The following TSPAN5 variants were observed in gnomAD, a reference collection of about 807,000 sequenced individuals.
TSPAN5 encodes the protein tetraspanin 5.
Under a neutral mutation model 37.1 loss-of-function variants are expected in TSPAN5, and 10 were observed. The observed-to-expected ratio is 0.27, with a 90% CI of 0.17 to 0.46. The LOEUF (loss-of-function observed/expected upper bound fraction) is 0.46. TSPAN5 is among the 20% of genes least tolerant of loss of function. The probability of loss-of-function intolerance (pLI) is 1.00; values close to 1 mark genes in which losing one functional copy is unlikely to be tolerated. For missense variants in TSPAN5, 195 were observed against 326.6 expected (o/e 0.60, Z 3.11); for synonymous variants, 110 against 118.9 (o/e 0.93, Z 0.48).
intron 1 of TSPAN5, among the ~76,000 whole-genome samples, chr4:98,516,815 G>A (rs1429259653): frequency 1.3e-5 from 2 of 152,154 alleles, no homozygotes; most frequent in African/African-American, 4.8e-5. Flanking sequence ...TTTCCCACAA[G>A]AGTTGGTTGG....
rs982508189 is a variant in TSPAN5, at chr4:98,471,424, C to G, written c.*1098G>C. Reference sequence around the variant, plus strand: ...TACAGCTGGTCTCTTCCCAGCCAGACTGGGAGGACATGCCACAACCTCCCA... The same window carrying G: ...TACAGCTGGTCTCTTCCCAGCCAGAGTGGGAGGACATGCCACAACCTCCCA... On this transcript the variant is annotated 3_prime_UTR_variant, in exon 8 of 8. Coordinates refer to ENST00000305798, the MANE Select transcript of TSPAN5 (RefSeq NM_005723.4). 6.6e-6 allele frequency: 1 copy of G among 152,140 alleles called. No homozygotes were observed. Among genetic ancestry groups the G allele is most frequent in the African/African-American group, 2.4e-5 (1 of 41,418 alleles). 9.4% of individuals were successfully genotyped at this position (152,140 alleles called of 1,614,324 possible).
intron 1 of TSPAN5, among the ~76,000 whole-genome samples, chr4:98,616,989 A>T (rs1364002122): frequency 1.8e-4 from 28 of 151,664 alleles, no homozygotes; most frequent in Admixed American, 1.8e-3. Flanking sequence ...ATGCCTGGCT[A>T]ATTCTTTTTA....
chr4:98,490,950 A>T (rs1237734877), intron 2 of TSPAN5, among the ~76,000 whole-genome samples: 1 of 152,006 alleles, frequency 6.6e-6, no homozygotes, highest in Non-Finnish European at 1.5e-5. Flanking sequence ...TAGTTCCAGC[A>T]ACTCGGGAGG....
chr4:98,530,054 T>C (rs1468220093), intron 1 of TSPAN5, among the ~76,000 whole-genome samples: 1 of 152,190 alleles, frequency 6.6e-6, no homozygotes, highest in Non-Finnish European at 1.5e-5. Flanking sequence ...GTGTTGTATC[T>C]TGGACATGGC....
At chr4:98,543,017 T>C (rs1754393920) in intron 1 of TSPAN5, among the ~76,000 whole-genome samples, 1 of 152,122 alleles carries the variant, frequency 6.6e-6, no homozygotes, top group Non-Finnish European at 1.5e-5. Context: ...ACTCAAAATA[T>C]TACAGCAAGT....
At position 98,556,041 on chromosome 4, in the gene TSPAN5, C is replaced by A. The variant is rs924071689; in HGVS notation, c.82-48313G>T. On this transcript the variant is annotated intron_variant, in intron 1 of 7. Coordinates refer to ENST00000305798, the MANE Select transcript of TSPAN5 (RefSeq NM_005723.4). ...ACACACCCCCACACACACAGCACCC[C>A]CACACACACACACACACACACACAG... 1.1e-4 allele frequency among the ~76,000 whole-genome samples: 11 copies of A among 101,658 alleles called. 1 individual carries two copies. The highest frequency in any genetic ancestry group is 7.9e-4 in the Admixed American group (9 of 11,384). 66.7% of individuals were successfully genotyped at this position (101,658 alleles called of 152,430 possible).
intron 2 of TSPAN5, among the ~76,000 whole-genome samples, chr4:98,493,942 C>A (rs192910068): frequency 6.0e-4 from 91 of 152,316 alleles, no homozygotes; most frequent in Admixed American, 2.9e-3. Flanking sequence ...CTAACTCTGG[C>A]ATATCCACTT....
intron 1 of TSPAN5, among the ~76,000 whole-genome samples, chr4:98,570,969 G>A (rs971682943): frequency 2.6e-5 from 4 of 151,030 alleles, no homozygotes; most frequent in Admixed American, 6.6e-5. Flanking sequence ...CCGAGATCGC[G>A]CCACTACGCT....
At chr4:98,528,348 A>C (rs1754008232) in intron 1 of TSPAN5, among the ~76,000 whole-genome samples, 1 of 152,172 alleles carries the variant, frequency 6.6e-6, no homozygotes. Context: ...TTTATATATC[A>C]ACTAAAAAGA....
At chr4:98,590,812 A>C (rs1755614936) in intron 1 of TSPAN5, among the ~76,000 whole-genome samples, 1 of 152,150 alleles carries the variant, frequency 6.6e-6, no homozygotes. Context: ...CTCCAAGACT[A>C]GTCTATTATC....
Position 98,472,133 on chromosome 4 carries a change from C to T in TSPAN5, c.*389G>A, listed in dbSNP as rs145537462. 3.0e-3 allele frequency: 476 copies of T among 160,888 alleles called. 1 individual carries two copies. The highest frequency in any genetic ancestry group is 0.011 in the African/African-American group (454 of 41,816). The allele number at this position is 160,888 out of a possible 1,614,324, so 10.0% of individuals were successfully genotyped here. ...GCCATGGAACAGAAAGAAGGTGGTC[C>T]GTCCAAGGTGTGGTGAAGAGCAAAG... is the stretch of plus-strand genomic sequence containing the variant. On this transcript the variant is annotated 3_prime_UTR_variant, in exon 8 of 8. Transcript: ENST00000305798.
At chr4:98,555,126 T>C (rs1754711842) in intron 1 of TSPAN5, among the ~76,000 whole-genome samples, 1 of 152,154 alleles carries the variant, frequency 6.6e-6, no homozygotes, top group Non-Finnish European at 1.5e-5. Context: ...GTACTGAACA[T>C]GTCCAACTTC....
intron 1 of TSPAN5, among the ~76,000 whole-genome samples, chr4:98,635,022 G>A (rs563950817): frequency 6.6e-6 from 1 of 152,302 alleles, no homozygotes; most frequent in South Asian, 2.1e-4. Flanking sequence ...CAGAAGCACA[G>A]GTAAGGAGGC....
chr4:98,600,159 A>G (rs1206731624), intron 1 of TSPAN5, among the ~76,000 whole-genome samples: 1 of 152,228 alleles, frequency 6.6e-6, no homozygotes, highest in Admixed American at 6.5e-5. Flanking sequence ...AAAATACTTT[A>G]TAGCCAAAAA....
intron 1 of TSPAN5, among the ~76,000 whole-genome samples, chr4:98,598,299 G>A (rs1319028528): frequency 2.1e-5 from 3 of 140,838 alleles, no homozygotes; most frequent in African/African-American, 5.5e-5. Context: ...TTCGGCTCGC[G>A]CACGGTGCGC....
At chr4:98,507,995 A>T (rs1753515699) in intron 1 of TSPAN5, among the ~76,000 whole-genome samples, 1 of 152,240 alleles carries the variant, frequency 6.6e-6, no homozygotes, top group African/African-American at 2.4e-5. Context: ...AGTACACTGA[A>T]ATTATCAATA....
chr4:98,656,733 G>C (rs1022912457), intron 1 of TSPAN5, among the ~76,000 whole-genome samples: 1 of 152,126 alleles, frequency 6.6e-6, no homozygotes, highest in Admixed American at 6.5e-5. Context: ...TGCTGACACG[G>C]AAAGTGGTCT....
intron 1 of TSPAN5, among the ~76,000 whole-genome samples, chr4:98,616,887 C>G (rs1214324773): frequency 2.3e-5 from 2 of 87,822 alleles, no homozygotes; most frequent in Non-Finnish European, 4.4e-5. Flanking sequence ...TTTTTGGAAA[C>G]AGAGTCTTGC....
intron 1 of TSPAN5, among the ~76,000 whole-genome samples, chr4:98,591,146 A>G (rs1385081933): frequency 6.6e-6 from 1 of 150,756 alleles, no homozygotes; most frequent in African/African-American, 2.5e-5. Flanking sequence ...GGAAGTTCTA[A>G]AGTGTCAACA....
Sources: gnomAD v4.1 joint callset for allele counts (sites outside exome capture counted in the v4.1 genomes callset) on GRCh38, gnomAD v4.1.1 for gene constraint, MANE v1.5 for transcripts, NCBI Gene and HGNC (gene_info 2026-07-23, HGNC 2026-07-21) for gene names.